Variants in WWOX observed in about 807,000 individuals in gnomAD.
WWOX encodes WW domain containing oxidoreductase.
In WWOX, 69 loss-of-function variants were observed where a neutral mutation model predicts 46.2. That is an observed-to-expected ratio of 1.49 (90% CI 1.23 to 1.82). The LOEUF (loss-of-function observed/expected upper bound fraction) is 1.82. Ranked by LOEUF, WWOX falls within the 40% of genes most tolerant of loss-of-function variation. WWOX has a pLI of 0.00. For synonymous variants in WWOX, 359 were observed against 202.6 expected (o/e 1.77, Z -6.56); for missense variants, 919 against 542.6 (o/e 1.69, Z -6.89).
intron 8 of WWOX, among the ~76,000 whole-genome samples, chr16:78,664,594 CTG>C (rs1460264620): frequency 6.6e-6 from 1 of 152,168 alleles, no homozygotes; most frequent in South Asian, 2.1e-4. Flanking sequence ...TGTCAAAACT[CTG>C]TGTCCAGATG....
chr16:78,876,103 A>G (rs948481132), intron 8 of WWOX, among the ~76,000 whole-genome samples: 2 of 152,132 alleles, frequency 1.3e-5, no homozygotes, highest in Non-Finnish European at 2.9e-5. Flanking sequence ...AACTCTAGAT[A>G]TTTCAACTAG....
chr16:78,972,750 A>G (rs2046496898), intron 8 of WWOX, among the ~76,000 whole-genome samples: 1 of 152,102 alleles, frequency 6.6e-6, no homozygotes, highest in Non-Finnish European at 1.5e-5. Flanking sequence ...ATTTCCTTTT[A>G]CTTTTAGTTC....
intron 8 of WWOX, among the ~76,000 whole-genome samples, chr16:79,202,400 A>T (rs997453090): frequency 6.6e-6 from 1 of 152,200 alleles, no homozygotes; most frequent in African/African-American, 2.4e-5. Context: ...TAGGAATTAC[A>T]TTCCGTCGAG....
chr16:78,874,375 G>A (rs919324631), intron 8 of WWOX, among the ~76,000 whole-genome samples: 10 of 152,080 alleles, frequency 6.6e-5, no homozygotes, highest in African/African-American at 9.7e-5. Flanking sequence ...GGCTAGGAGC[G>A]GAGGGAAAGC....
intron 8 of WWOX, among the ~76,000 whole-genome samples, chr16:79,174,509 C>T (rs867175926): frequency 5.3e-5 from 8 of 152,042 alleles, no homozygotes; most frequent in African/African-American, 1.9e-4. Flanking sequence ...ATTAGCCAGG[C>T]GTGGTGGCGC....
intron 8 of WWOX, among the ~76,000 whole-genome samples, chr16:78,532,378 C>T (rs1354604722): frequency 6.6e-6 from 1 of 152,110 alleles, no homozygotes; most frequent in African/African-American, 2.4e-5. Context: ...CACTCAGAGC[C>T]TTGAAATCCT....
At chr16:78,878,275 T>C (rs11862750) in intron 8 of WWOX, among the ~76,000 whole-genome samples, 16,942 of 152,116 alleles carry the variant, frequency 0.11, 1,180 homozygotes, top group South Asian at 0.15. Context: ...TTACAATAAA[T>C]AAAAATACCA....
chr16:78,999,560 T>C (rs1376129377), intron 8 of WWOX, among the ~76,000 whole-genome samples: 1 of 152,172 alleles, frequency 6.6e-6, no homozygotes, highest in Admixed American at 6.5e-5. Flanking sequence ...CGATTCAGAG[T>C]CAAAATGTTA....
chr16:79,008,556 A>T (rs1387213930), intron 8 of WWOX, among the ~76,000 whole-genome samples: 1 of 151,598 alleles, frequency 6.6e-6, no homozygotes, highest in Non-Finnish European at 1.5e-5. Context: ...TGACTACCAT[A>T]GTCTGTGAAA....
At chr16:79,078,656 A>T (rs1047406216) in intron 8 of WWOX, among the ~76,000 whole-genome samples, 1 of 152,192 alleles carries the variant, frequency 6.6e-6, no homozygotes, top group Non-Finnish European at 1.5e-5. Context: ...CACTTGTTGA[A>T]TTGAACTGAA....
chr16:78,717,271 G>A (rs1346701754), intron 8 of WWOX, among the ~76,000 whole-genome samples: 1 of 152,142 alleles, frequency 6.6e-6, no homozygotes, highest in Non-Finnish European at 1.5e-5. Flanking sequence ...ATGGAATATA[G>A]AGATCCAGTA....
At chr16:78,245,725 C>A (rs921834669) in intron 5 of WWOX, among the ~76,000 whole-genome samples, 1 of 152,210 alleles carries the variant, frequency 6.6e-6, no homozygotes, top group African/African-American at 2.4e-5. Flanking sequence ...GGTCCTGAGG[C>A]TTCTGAAAGC....
At chr16:79,065,055 G>A (rs1366049676) in intron 8 of WWOX, among the ~76,000 whole-genome samples, 2 of 152,148 alleles carry the variant, frequency 1.3e-5, no homozygotes, top group Non-Finnish European at 2.9e-5. Flanking sequence ...GTGTATGCCT[G>A]TGTGTGTCTC....
intron 8 of WWOX, among the ~76,000 whole-genome samples, chr16:78,539,715 C>G (rs1417412641): frequency 6.6e-6 from 1 of 152,184 alleles, no homozygotes; most frequent in East Asian, 1.9e-4. Context: ...TGTTTTCCCT[C>G]TAAAGAGAGG....
intron 8 of WWOX, among the ~76,000 whole-genome samples, chr16:78,855,694 G>A (rs556439675): frequency 2.0e-5 from 3 of 152,308 alleles, no homozygotes; most frequent in South Asian, 4.1e-4. Context: ...CAAGGTTTAA[G>A]GTTGTTTTTG....
chr16:78,584,568 C>G (rs1010021203), intron 8 of WWOX, among the ~76,000 whole-genome samples: 2 of 152,124 alleles, frequency 1.3e-5, no homozygotes, highest in African/African-American at 4.8e-5. Context: ...TTAATATATA[C>G]CTTTTAAAGT....
intron 8 of WWOX, among the ~76,000 whole-genome samples, chr16:79,163,656 G>C (rs925637074): frequency 6.6e-6 from 1 of 151,996 alleles, no homozygotes; most frequent in South Asian, 2.1e-4. Flanking sequence ...AAATTAGCCT[G>C]GCATAGTGGT....
intron 5 of WWOX, among the ~76,000 whole-genome samples, chr16:78,304,145 C>T (rs1262104355): frequency 6.6e-6 from 1 of 152,174 alleles, no homozygotes; most frequent in African/African-American, 2.4e-5. Context: ...GTTTCCTTCC[C>T]GTGGCCTCTT....
intron 5 of WWOX, among the ~76,000 whole-genome samples, chr16:78,279,431 T>A (rs2079638128): frequency 1.3e-5 from 2 of 152,246 alleles, no homozygotes; most frequent in Admixed American, 1.3e-4. Flanking sequence ...CAAAGTATAT[T>A]ATAAAAAATA....
Sources: allele counts gnomAD v4.1 joint callset (sites outside exome capture counted in the v4.1 genomes callset), GRCh38; gene constraint gnomAD v4.1.1; transcripts MANE v1.5; gene names NCBI Gene and HGNC (gene_info 2026-07-23, HGNC 2026-07-21).